NSMCE4A: variants seen among roughly 807,000 people sequenced by gnomAD.
NSMCE4A encodes non-structural maintenance of chromosomes element 4 homolog A.
Under a neutral mutation model 47.9 loss-of-function variants are expected in NSMCE4A, and 40 were observed. The observed-to-expected ratio is 0.83, with a 90% CI of 0.65 to 1.09. The LOEUF is 1.09. NSMCE4A is among the 50% of genes least tolerant of loss of function. The probability of loss-of-function intolerance (pLI) is 0.00; values close to 1 mark genes in which losing one functional copy is unlikely to be tolerated. For synonymous variants in NSMCE4A, 166 were observed against 178.5 expected (o/e 0.93, Z 0.56); for missense variants, 500 against 507.0 (o/e 0.99, Z 0.13).
intron 6 of NSMCE4A, chr10:121,961,950 GA>G (rs1564991399): frequency 5.1e-5 from 12 of 236,858 alleles, no homozygotes; most frequent in South Asian, 8.5e-5. Context: ...TAAAAATACA[GA>G]AAAAAAATTA....
At chr10:121,968,710 T>C (rs567571146) in intron 3 of NSMCE4A, among the ~76,000 whole-genome samples, 1 of 152,308 alleles carries the variant, frequency 6.6e-6, no homozygotes, top group East Asian at 1.9e-4. Flanking sequence ...GATGGCAATA[T>C]CATATATAAA....
At chr10:121,972,693 T>C (rs1952737976) in intron 2 of NSMCE4A, among the ~76,000 whole-genome samples, 1 of 152,140 alleles carries the variant, frequency 6.6e-6, no homozygotes, top group African/African-American at 2.4e-5. Context: ...GTAAGGAGAC[T>C]GGGAGTCCAG....
intron 2 of NSMCE4A, among the ~76,000 whole-genome samples, chr10:121,971,854 A>G (rs1485961113): frequency 1.3e-5 from 2 of 152,228 alleles, no homozygotes; most frequent in Non-Finnish European, 2.9e-5. Context: ...GGCATGTGCT[A>G]GGCTGGCACT....
At chr10:121,964,357 C>G (rs1473754094) in intron 5 of NSMCE4A, among the ~76,000 whole-genome samples, 2 of 152,096 alleles carry the variant, frequency 1.3e-5, no homozygotes, top group Non-Finnish European at 2.9e-5. Context: ...GTTGGCCAGG[C>G]TGGTTTCTAA....
At chr10:121,969,116 G>A (rs1021299139) in intron 3 of NSMCE4A, among the ~76,000 whole-genome samples, 10 of 152,198 alleles carry the variant, frequency 6.6e-5, no homozygotes, top group African/African-American at 1.9e-4. Context: ...AAGTCCAGGC[G>A]GGTGGATCAC....
At chr10:121,963,436 C>CTT (rs59415272) in intron 5 of NSMCE4A, 108 bp from the exon 6 acceptor site, 751 of 542,360 alleles carry the variant, frequency 1.4e-3, no homozygotes, top group East Asian at 6.5e-3. Flanking sequence ...CACCCGAACT[C>CTT]TTTTTTTTTT....
At chr10:121,969,764 G>T (rs1220004239) in intron 3 of NSMCE4A, among the ~76,000 whole-genome samples, 2 of 152,220 alleles carry the variant, frequency 1.3e-5, no homozygotes, top group Admixed American at 6.5e-5. Context: ...AGCCCAGGCT[G>T]GAGTGCAGTG....
chr10:121,967,887 C>A, intron 3 of NSMCE4A, 81 bp from the exon 4 acceptor site: 1 of 1,431,144 alleles, frequency 7.0e-7, no homozygotes, highest in East Asian at 2.4e-5. Flanking sequence ...CATCACTCAA[C>A]CTTTAAGAGG....
At chr10:121,969,697 TCAGATTGA>T (rs549779728) in intron 3 of NSMCE4A, among the ~76,000 whole-genome samples, 63 of 152,300 alleles carry the variant, frequency 4.1e-4, no homozygotes, top group Middle Eastern at 3.4e-3. Flanking sequence ...AGAGGTTGGC[TCAGATTGA>T]CAGATTGACT....
intron 4 of NSMCE4A, chr10:121,967,052 A>G (rs1261280344): frequency 1.3e-5 from 2 of 152,220 alleles, no homozygotes; most frequent in East Asian, 3.9e-4. Flanking sequence ...ATCCTCCTAT[A>G]TGATAAGGAT....
chr10:121,972,821 G>A (rs934443889), intron 2 of NSMCE4A, among the ~76,000 whole-genome samples: 1 of 152,138 alleles, frequency 6.6e-6, no homozygotes, highest in Non-Finnish European at 1.5e-5. Context: ...ACTAAGATGG[G>A]GAATGGTAAG....
At chr10:121,971,330 G>A (rs1450540049) in intron 2 of NSMCE4A, among the ~76,000 whole-genome samples, 1 of 152,102 alleles carries the variant, frequency 6.6e-6, no homozygotes, top group Non-Finnish European at 1.5e-5. Flanking sequence ...CTAACACGGT[G>A]AAACCCCAGC....
intron 3 of NSMCE4A, among the ~76,000 whole-genome samples, chr10:121,970,734 C>A (rs186822553): frequency 5.3e-5 from 8 of 152,170 alleles, no homozygotes; most frequent in African/African-American, 1.7e-4. Context: ...CAGAATGCTA[C>A]GAGATTTTTA....
intron 10 of NSMCE4A, 37 bp downstream of exon 10, chr10:121,959,277 AAATGAACTTT>A: frequency 6.5e-7 from 1 of 1,534,400 alleles, no homozygotes; most frequent in African/African-American, 1.4e-5. Context: ...TTGGATTGCC[AAATGAACTTT>A]AATAGAACTG....
intron 4 of NSMCE4A, chr10:121,966,817 T>C (rs1952615039): frequency 6.6e-6 from 1 of 152,178 alleles, no homozygotes; most frequent in Non-Finnish European, 1.5e-5. Flanking sequence ...GTTCTTAATT[T>C]CTCCATAGGA....
At chr10:121,966,578 T>C (rs1398809130) in intron 4 of NSMCE4A, 1 of 152,168 alleles carries the variant, frequency 6.6e-6, no homozygotes, top group Non-Finnish European at 1.5e-5. Context: ...TTATTAAAAA[T>C]AGATGCCAGA....
chr10:121,962,365 G>A (rs1952517406), intron 6 of NSMCE4A, among the ~76,000 whole-genome samples: 1 of 150,752 alleles, frequency 6.6e-6, no homozygotes, highest in Non-Finnish European at 1.5e-5. Context: ...GTTGCAGTGA[G>A]CCAAGATCGC....
chr10:121,964,482 C>T (rs547796600), intron 5 of NSMCE4A, among the ~76,000 whole-genome samples: 1 of 146,508 alleles, frequency 6.8e-6, no homozygotes, highest in African/African-American at 2.5e-5. Context: ...CTCGCTCTGT[C>T]GCCCAGGCTG....
At chr10:121,966,811 T>C (rs796332440) in intron 4 of NSMCE4A, 18 of 152,362 alleles carry the variant, frequency 1.2e-4, no homozygotes, top group African/African-American at 3.8e-4. Flanking sequence ...AGAGCTGTTC[T>C]TAATTTCTCC....
Sources: allele counts gnomAD v4.1 joint callset (sites outside exome capture counted in the v4.1 genomes callset), GRCh38; gene constraint gnomAD v4.1.1; transcripts MANE v1.5; gene names NCBI Gene and HGNC (gene_info 2026-07-23, HGNC 2026-07-21).